Variants in C3 observed in about 807,000 individuals in gnomAD.
C3 encodes the protein C3 and PZP-like alpha-2-macroglobulin domain-containing protein 1.
C3 carries 97 observed loss-of-function variants against 207.9 expected under a neutral mutation model. That is an observed-to-expected ratio of 0.47 (90% CI 0.40 to 0.55). The LOEUF is 0.55. C3 is among the 20% of genes least tolerant of loss of function. C3 has a pLI of 0.00. For missense variants in C3, 1,684 were observed against 2,171.7 expected, an observed-to-expected ratio of 0.78 and a Z score of 4.46; for synonymous variants, 848 against 857.6, an observed-to-expected ratio of 0.99 and a Z score of 0.20.
intron 18 of C3, 107 bp from the exon 19 acceptor site, chr19:6,702,319 G>A (rs912395957): frequency 1.0e-6 from 1 of 955,282 alleles, no homozygotes; most frequent in Admixed American, 1.8e-5. Flanking sequence ...AGGGTCTGGG[G>A]GTGCCTCCAT....
Position 6,702,133 on chromosome 19 carries a change from T to C in C3, c.2434A>G (p.Lys812Glu), listed in dbSNP as rs1442909828. The change falls in exon 19 of 41, where the codon AAG becomes GAG. Residue 812 changes from lysine to glutamate, a missense_variant. Physicochemically the swap from Lys to Glu is moderately conservative, Grantham distance 56. Around this residue, in one of 3 missense-constraint regions of C3, gnomAD observed 1,280 missense variants for 1,739.1 expected, o/e 0.74. Transcript: ENST00000245907. ...AGCCAGCATCCTCTCTCACCTTTCT[T>C]GTCCGACATGCTCACAGCCAGAATC... ...WEILAVSMSD[K>E]KGICVADPFE... is the part of the protein sequence containing the mutation. The C allele has an allele frequency of 3.2e-6, 5 of 1,585,190 alleles. No homozygotes were observed. The African/African-American group carries it at 6.7e-5, about 21-fold the overall frequency.
intron 14 of C3, 73 bp downstream of exon 14, chr19:6,709,611 T>TTGGCC: frequency 1.8e-6 from 2 of 1,109,442 alleles, no homozygotes; most frequent in Admixed American, 1.8e-5. Flanking sequence ...CCCTCTCCAG[T>TTGGCC]CCCACCCACC....
rs370981314 is a variant in C3, at chr19:6,718,059, C to T, written c.504+35G>A. 1.1e-4 allele frequency: 170 copies of T among 1,597,202 alleles called. 1 individual carries two copies. The South Asian group carries it at 1.3e-3, about 12-fold the overall frequency. On this transcript the variant is annotated intron_variant, in intron 4 of 40. Coordinates refer to ENST00000245907, the MANE Select transcript of C3 (RefSeq NM_000064.4). ...TCTCTTTGCCTCTCCTAAGCCTGTG[C>T]CCCTGCTTCCCCTGGGGCCCCCTCT...
At chr19:6,715,192 A>C (rs902462267) in intron 4 of C3, among the ~76,000 whole-genome samples, 1 of 152,154 alleles carries the variant, frequency 6.6e-6, no homozygotes, top group African/African-American at 2.4e-5. Context: ...ATAATGTATT[A>C]GGGCGAGCGC....
chr19:6,679,486 A>G lies in C3; in HGVS notation c.4467T>C (p.Cys1489=), dbSNP rs1170032472. The change falls in exon 37 of 41, where the codon TGT becomes TGC. Residue 1489 remains cysteine (C), a synonymous_variant. Transcript: ENST00000245907. ...CCTTTTCCGGATGGTAGAACCGGGT[A>G]CAGCTTTCCTCTGCGGGCAGATGTG... ...VYAYYNLEES[C]TRFYHPEKED... is the part of the protein sequence containing the mutation. The G allele has an allele frequency of 6.2e-7, 1 of 1,612,502 alleles. No individual in the cohort carries two copies. The highest frequency in any genetic ancestry group is 1.7e-5 in the Admixed American group (1 of 60,012).
intron 17 of C3, 50 bp downstream of exon 17, chr19:6,707,026 C>T (rs1378841089): frequency 7.0e-7 from 1 of 1,423,156 alleles, no homozygotes; most frequent in African/African-American, 1.4e-5. Context: ...CAGGAGTCTC[C>T]TCCCCCATCA....
At chr19:6,689,898 C>T (rs1025199360) in intron 27 of C3, among the ~76,000 whole-genome samples, 2 of 152,198 alleles carry the variant, frequency 1.3e-5, no homozygotes, top group African/African-American at 4.8e-5. Flanking sequence ...AGTAAAGTCC[C>T]TTGAACCTGG....
chr19:6,712,236 C>G (rs753853298), intron 11 of C3, 21 bp downstream of exon 11: 3 of 1,612,810 alleles, frequency 1.9e-6, no homozygotes, highest in Non-Finnish European at 1.7e-6. Flanking sequence ...GATGGGGTTC[C>G]GAGGCTGGGC....
intron 38 of C3, 74 bp downstream of exon 38, chr19:6,679,051 C>A: frequency 1.7e-6 from 2 of 1,191,518 alleles, no homozygotes; most frequent in Middle Eastern, 1.9e-4. Flanking sequence ...ACCATGACAA[C>A]CACACCTACC....
Position 6,711,108 on chromosome 19 carries a change from T to C in C3, c.1358A>G (p.Asn453Ser), listed in dbSNP as rs1967914248. Residue 453 changes from asparagine to serine, a missense_variant, in exon 12 of 41, where the codon AAC becomes AGC. Physicochemically the swap from Asn to Ser is conservative, Grantham distance 46 (BLOSUM62 1). Around this residue, in one of 3 missense-constraint regions of C3, gnomAD observed 1,280 missense variants for 1,739.1 expected, o/e 0.74. Coordinates refer to ENST00000245907, the MANE Select transcript of C3 (RefSeq NM_000064.4). Reference protein sequence around the residue: ...ALPYSTVGNSNNYLHLSVLRT... With the variant: ...ALPYSTVGNSSNYLHLSVLRT... ...TAGCACTGAGAGATGCAGGTAATTG[T>C]TGGAGTTGCCCACGGTGCTGTAGGG... 6.2e-7 allele frequency: 1 copy of C among 1,613,868 alleles called. No individual in the cohort carries two copies. The highest frequency in any genetic ancestry group is 1.1e-5 in the South Asian group (1 of 91,082).
intron 16 of C3, 59 bp from the exon 17 acceptor site, chr19:6,707,332 G>A: frequency 1.3e-6 from 2 of 1,599,984 alleles, no homozygotes; most frequent in Non-Finnish European, 1.7e-6. Flanking sequence ...CAGCAGGAGG[G>A]ACGCGGGACG....
intron 19 of C3, among the ~76,000 whole-genome samples, chr19:6,699,663 A>G (rs1281559806): frequency 6.6e-6 from 1 of 152,142 alleles, no homozygotes; most frequent in African/African-American, 2.4e-5. Flanking sequence ...AAAAAAAGAA[A>G]GAAAATCTAG....
In C3 at chr19:6,684,556, T is replaced by A; in HGVS notation, c.4120+4A>T. 6.2e-7 allele frequency: 1 copy of A among 1,612,154 alleles called. No homozygotes were observed. Among genetic ancestry groups the A allele is most frequent in the South Asian group, 1.1e-5 (1 of 91,040 alleles). On this transcript the variant is annotated splice_donor_region_variant and intron_variant, in intron 32 of 40. Transcript: ENST00000245907. Reference sequence around the variant, plus strand: ...GTGACAGATAAGGCCTTGATTCCTTTTACCTGTTTCCGGTGCTGGTTTTAT... The same window carrying A: ...GTGACAGATAAGGCCTTGATTCCTTATACCTGTTTCCGGTGCTGGTTTTAT...
At position 6,694,718 on chromosome 19, in the gene C3, A is replaced by ACCAG. The variant is rs573861148; in HGVS notation, c.2951-88_2951-85dup. 7.9e-4 allele frequency: 1,028 copies of ACCAG among 1,296,410 alleles called. 16 individuals carry two copies. The South Asian group carries it at 0.013, about 16-fold the overall frequency. The allele number at this position is 1,296,410 out of a possible 1,614,324, so 80.3% of individuals were successfully genotyped here. On this transcript the variant is annotated intron_variant, in intron 23 of 40. Transcript: ENST00000245907. ...GCGTGAAAAGGGTTCCAGCCTCCCA[A>ACCAG]CCAGCCAGGGCCAAGGGGTTAGGGA...
chr19:6,719,169 G>A lies in C3; in HGVS notation c.267+42C>T. On this transcript the variant is annotated intron_variant, in intron 2 of 40. Transcript: ENST00000245907. This position sits in a 1 kb window ranked among gnomAD's most constrained non-coding sequence, Gnocchi z 5.4. ...TCAGGAGGAGGGGGGGAGTGGGCGT[G>A]GCTGTGGGTGTCAGCCGGGTCCTGC... 6.4e-7 allele frequency: 1 copy of A among 1,564,418 alleles called. No individual in the cohort carries two copies. The highest frequency in any genetic ancestry group is 8.8e-7 in the Non-Finnish European group (1 of 1,134,944).
rs141850657 is a variant in C3, at chr19:6,719,031, G to A, written c.267+180C>T. ...GGGGCTTATAAGGGGAGGAGACTCA[G>A]AAGGGGTGGAGTCTCAGAGAAGGGA... is the stretch of plus-strand genomic sequence containing the variant. On this transcript the variant is annotated intron_variant, in intron 2 of 40. Coordinates refer to ENST00000245907, the MANE Select transcript of C3 (RefSeq NM_000064.4). The surrounding 1 kb of genome is among the most constrained non-coding windows in gnomAD (Gnocchi z 5.4). 2.7e-5 allele frequency among the ~76,000 whole-genome samples: 4 copies of A among 147,356 alleles called. No individual in the cohort carries two copies. The highest frequency in any genetic ancestry group is 1.0e-4 in the African/African-American group (4 of 39,660).
Position 6,686,828 on chromosome 19 carries a change from A to C in C3, c.3564T>G (p.Thr1188=). The change falls in exon 28 of 41, where the codon ACT becomes ACG. Residue 1188 remains threonine, a synonymous_variant. Transcript: ENST00000245907. ...CCAGAGCATAGCCAGCAATGGCCAC[A>C]GTGTAGGATCTCTGTAGGTTCATGT... ...ANYMNLQRSY[T]VAIAGYALAQ... 3 of 1,614,154 alleles carry C rather than the reference A, an allele frequency of 1.9e-6. No individual in the cohort carries two copies. Among genetic ancestry groups the C allele is most frequent in the Non-Finnish European group, 2.5e-6 (3 of 1,179,982 alleles).
intron 22 of C3, 48 bp downstream of exon 22, chr19:6,696,545 C>T (rs780182987): frequency 9.4e-6 from 15 of 1,604,212 alleles, no homozygotes; most frequent in African/African-American, 4.0e-5. Context: ...GTCATTTACC[C>T]CCCTTACCCT....
At chr19:6,685,177 C>A in intron 29 of C3, 31 bp from the exon 30 acceptor site, 1 of 1,606,000 alleles carries the variant, frequency 6.2e-7, no homozygotes, top group East Asian at 2.2e-5. Context: ...AGATGGTGAT[C>A]TGGGAGCCTG....
Sources: allele counts gnomAD v4.1 joint callset (sites outside exome capture counted in the v4.1 genomes callset), GRCh38; gene constraint gnomAD v4.1.1; regional missense constraint gnomAD v4.1.1; non-coding constraint Gnocchi (gnomAD v3.1); transcripts MANE v1.5; gene names NCBI Gene and HGNC (gene_info 2026-07-23, HGNC 2026-07-21).